Variants in TMEM128 observed in about 807,000 individuals in gnomAD.
The protein encoded by TMEM128 is transmembrane protein 128.
Under a neutral mutation model 19.7 loss-of-function variants are expected in TMEM128, and 16 were observed. That is an observed-to-expected ratio of 0.81 (90% confidence interval 0.55 to 1.23). The LOEUF (loss-of-function observed/expected upper bound fraction) is 1.23. TMEM128 is among the 50% of genes most tolerant of loss of function. TMEM128 has a pLI of 0.00. For missense variants in TMEM128, 237 were observed against 200.8 expected (o/e 1.18, Z -1.09); for synonymous variants, 98 against 75.8 (o/e 1.29, Z -1.52).
chr4:4,247,366 T>C (rs1718226474), intron 1 of TMEM128, among the ~76,000 whole-genome samples: 1 of 152,214 alleles, frequency 6.6e-6, no homozygotes, highest in Non-Finnish European at 1.5e-5. Flanking sequence ...TTCTGGGATA[T>C]CCTCAAAATG....
chr4:4,248,063 C>T, intron 1 of TMEM128, 43 bp downstream of exon 1: 1 of 1,532,594 alleles, frequency 6.5e-7, no homozygotes, highest in South Asian at 1.2e-5. Context: ...TTTTCCGACG[C>T]CTCGCCTCTG....
intron 2 of TMEM128, among the ~76,000 whole-genome samples, chr4:4,242,700 G>A (rs537155046): frequency 6.6e-6 from 1 of 152,052 alleles, no homozygotes; most frequent in African/African-American, 2.4e-5. Flanking sequence ...TGTATTTTTA[G>A]TAGAGATGGG....
chr4:4,246,772 G>C (rs1577200047), intron 1 of TMEM128, among the ~76,000 whole-genome samples: 2 of 151,750 alleles, frequency 1.3e-5, no homozygotes, highest in South Asian at 4.2e-4. Context: ...TTTTGAGTCG[G>C]AGTCTTCCTC....
chr4:4,247,998 G>C, intron 1 of TMEM128, 108 bp downstream of exon 1: 1 of 1,466,804 alleles, frequency 6.8e-7, no homozygotes, highest in South Asian at 1.3e-5. Context: ...TATTCGACTT[G>C]CAAAGCCGAA....
chr4:4,245,425 C>T (rs12499765), intron 2 of TMEM128, among the ~76,000 whole-genome samples: 46,882 of 151,952 alleles, frequency 0.31, 7,837 homozygotes, highest in East Asian at 0.44. Flanking sequence ...CAGCTGTAAC[C>T]ACCCTCTGAA....
chr4:4,246,514 C>T (rs905469442), intron 1 of TMEM128, among the ~76,000 whole-genome samples, 171 bp from the exon 2 acceptor site: 4 of 152,124 alleles, frequency 2.6e-5, no homozygotes, highest in African/African-American at 9.7e-5. Flanking sequence ...AATAAGAGCC[C>T]ACTATAAAAT....
chr4:4,242,493 T>C (rs370636855), intron 2 of TMEM128, among the ~76,000 whole-genome samples: 1 of 151,382 alleles, frequency 6.6e-6, no homozygotes, highest in East Asian at 2.0e-4. Context: ...TTTTTTTCCT[T>C]TGCCAACATG....
chr4:4,246,374 G>C (rs1469496293), intron 1 of TMEM128, 31 bp from the exon 2 acceptor site: 3 of 1,573,402 alleles, frequency 1.9e-6, no homozygotes, highest in African/African-American at 1.4e-5. Flanking sequence ...AACTTATTAA[G>C]TTACCACAAT....
intron 2 of TMEM128, among the ~76,000 whole-genome samples, chr4:4,244,144 G>A (rs1184082317): frequency 6.6e-6 from 1 of 152,156 alleles, no homozygotes; most frequent in Non-Finnish European, 1.5e-5. Flanking sequence ...AGTATCTGAT[G>A]AAGGAAAGAG....
intron 2 of TMEM128, among the ~76,000 whole-genome samples, chr4:4,240,946 G>A (rs1400535535): frequency 3.3e-5 from 5 of 152,194 alleles, no homozygotes; most frequent in South Asian, 2.1e-4. Flanking sequence ...GCGTGGTGGC[G>A]CAAGCCTGTA....
In TMEM128 at chr4:4,248,181, G is replaced by T; in HGVS notation, c.22C>A (p.Gln8Lys). ...AGGAGGAATCGCCGCCGGAGCTGCT[G>T]CCGGGCCCGCGAGGAGTCCATCTTG... MDSSRAR[Q>K]QLRRRFLLLP... Residue 8 changes from glutamine (Q) to lysine (K), a missense_variant, in exon 1 of 5, where the codon CAG becomes AAG. Coordinates refer to ENST00000382753, the MANE Select transcript of TMEM128 (RefSeq NM_001297551.2). 6.5e-7 allele frequency: 1 copy of T among 1,530,536 alleles called. No individual in the cohort carries two copies. The highest frequency in any genetic ancestry group is 1.2e-5 in the South Asian group (1 of 83,230). 94.8% of individuals were successfully genotyped at this position (1,530,536 alleles called of 1,614,324 possible). A position where few individuals can be genotyped will look rare whatever the true frequency, so the allele number is the denominator to read the frequency against.
chr4:4,247,933 C>T (rs1465243786), intron 1 of TMEM128, 173 bp downstream of exon 1: 1 of 1,430,378 alleles, frequency 7.0e-7, no homozygotes, highest in African/African-American at 1.4e-5. Context: ...TGAAGCGCAG[C>T]TGAAATGACG....
chr4:4,246,561 T>A (rs1310355480), intron 1 of TMEM128, among the ~76,000 whole-genome samples: 1 of 152,216 alleles, frequency 6.6e-6, no homozygotes, highest in Non-Finnish European at 1.5e-5. Context: ...TCTAAATACA[T>A]TGTGAAATCA....
intron 2 of TMEM128, among the ~76,000 whole-genome samples, chr4:4,243,896 C>T (rs1718061970): frequency 2.0e-5 from 3 of 152,138 alleles, no homozygotes; most frequent in Admixed American, 1.3e-4. Context: ...TATAAGGACA[C>T]AAATACAGAA....
chr4:4,246,254 T>G lies in TMEM128; in HGVS notation c.187A>C (p.Thr63Pro). The change falls in exon 2 of 5, where the codon ACC becomes CCC. Residue 63 changes from threonine to proline, a missense_variant. Physicochemically the swap from Thr to Pro is conservative, Grantham distance 38. Transcript: ENST00000382753. ...GTTTTAAAGAAGTCAACATAATAGG[T>G]CACAACAATGGATGCCAAAATCCAG... Reference protein sequence around the residue: ...GFWILASIVVTYYVDFFKTLK... With the variant: ...GFWILASIVVPYYVDFFKTLK... 1 of 1,612,900 alleles carries G rather than the reference T, an allele frequency of 6.2e-7. No individual in the cohort carries two copies. Among genetic ancestry groups the G allele is most frequent in the Non-Finnish European group, 8.5e-7 (1 of 1,179,620 alleles).
Position 4,236,050 on chromosome 4 carries a change from T to C in TMEM128, c.*216A>G, listed in dbSNP as rs1382308502. 6.6e-6 allele frequency: 1 copy of C among 152,234 alleles called. No homozygotes were observed. Among genetic ancestry groups the C allele is most frequent in the Admixed American group, 6.5e-5 (1 of 15,288 alleles). 9.4% of individuals were successfully genotyped at this position (152,234 alleles called of 1,614,324 possible). On this transcript the variant is annotated 3_prime_UTR_variant, in exon 5 of 5. Transcript: ENST00000382753. Reference sequence around the variant, plus strand: ...TTTCCCCAGGAAACCATTCACTTCATAGCTGCAAAAACACACTGTAGCTTT... The same window carrying C: ...TTTCCCCAGGAAACCATTCACTTCACAGCTGCAAAAACACACTGTAGCTTT...
At chr4:4,244,586 G>C (rs1718092489) in intron 2 of TMEM128, among the ~76,000 whole-genome samples, 1 of 152,236 alleles carries the variant, frequency 6.6e-6, no homozygotes, top group Admixed American at 6.5e-5. Flanking sequence ...TACTGATGCA[G>C]CCGTGGGAAG....
intron 2 of TMEM128, among the ~76,000 whole-genome samples, chr4:4,242,966 G>A (rs991988826): frequency 1.3e-5 from 2 of 152,130 alleles, no homozygotes; most frequent in African/African-American, 4.8e-5. Context: ...GAGCATCTAG[G>A]ATTTTAATTT....
intron 2 of TMEM128, among the ~76,000 whole-genome samples, chr4:4,243,973 C>T (rs958161350): frequency 6.6e-6 from 1 of 152,194 alleles, no homozygotes; most frequent in African/African-American, 2.4e-5. Flanking sequence ...CTAGATATCC[C>T]TCCTAGATGC....
Sources: gnomAD v4.1 joint callset for allele counts (sites outside exome capture counted in the v4.1 genomes callset) on GRCh38, gnomAD v4.1.1 for gene constraint, MANE v1.5 for transcripts, NCBI Gene and HGNC (gene_info 2026-07-23, HGNC 2026-07-21) for gene names.